Variants in HDAC9 observed in about 807,000 individuals in gnomAD.
The protein encoded by HDAC9 is histone deacetylase 9, also known as MEF-2 interacting transcription repressor (MITR) protein.
Under a neutral mutation model 139.4 loss-of-function variants are expected in HDAC9, and 41 were observed. The ratio of observed to expected loss-of-function variants is 0.29; its 90% CI spans 0.23 to 0.38. The LOEUF (loss-of-function observed/expected upper bound fraction) is 0.38, where lower values mean the gene tolerates loss of function less well. Among genes scored for constraint, HDAC9 ranks in the 10% least tolerant of loss-of-function variants. HDAC9 has a pLI of 1.00. For missense variants in HDAC9, 1,147 were observed against 1,297.0 expected (o/e 0.88, Z 1.78); for synonymous variants, 517 against 476.2 (o/e 1.09, Z -1.12).
chr7:18,925,004 A>G (rs2129299886), intron 22 of HDAC9, among the ~76,000 whole-genome samples: 1 of 152,294 alleles, frequency 6.6e-6, no homozygotes, highest in South Asian at 2.1e-4. Context: ...AAAAGGAATT[A>G]GTTTTTTGAA....
In HDAC9 at chr7:19,000,779, T is replaced by A. The variant is rs1786711973; in HGVS notation, c.*4717T>A. 1 of 152,192 alleles carries A rather than the reference T, an allele frequency of 6.6e-6. No homozygotes were observed. The highest frequency in any genetic ancestry group is 2.4e-5 in the African/African-American group (1 of 41,450). 9.4% of individuals were successfully genotyped at this position (152,192 alleles called of 1,614,324 possible). A position where few individuals can be genotyped will look rare whatever the true frequency, so the allele number is the denominator to read the frequency against. On this transcript the variant is annotated 3_prime_UTR_variant, in exon 26 of 26. Coordinates refer to ENST00000686413, the MANE Select transcript of HDAC9 (RefSeq NM_178425.4). Reference sequence around the variant, plus strand: ...ACTTACAATCTAACAAATAATTTTCTTTCAACTCTTCTCTTTTTCTGCCTA... The same window carrying A: ...ACTTACAATCTAACAAATAATTTTCATTCAACTCTTCTCTTTTTCTGCCTA...
chr7:18,227,000 GC>G (rs1203961276), intron 2 of HDAC9, among the ~76,000 whole-genome samples: 3 of 152,212 alleles, frequency 2.0e-5, no homozygotes, highest in Non-Finnish European at 2.9e-5. Context: ...TTAGTGGTAT[GC>G]AAGGAAAGGA....
At chr7:18,933,798 TA>T (rs1341800394) in intron 22 of HDAC9, among the ~76,000 whole-genome samples, 8 of 152,006 alleles carry the variant, frequency 5.3e-5, no homozygotes, top group Non-Finnish European at 1.2e-4. Context: ...AACAAGGAGT[TA>T]AGAAAGTATC....
At chr7:18,852,900 A>T (rs997973936) in intron 21 of HDAC9, among the ~76,000 whole-genome samples, 2 of 152,074 alleles carry the variant, frequency 1.3e-5, no homozygotes, top group South Asian at 2.1e-4. Context: ...GATTTTTAAA[A>T]ATATATATAA....
chr7:18,368,945 C>T (rs953585924), intron 1 of HDAC9, among the ~76,000 whole-genome samples: 5 of 152,042 alleles, frequency 3.3e-5, no homozygotes, highest in African/African-American at 4.8e-5. Flanking sequence ...GTAAATTAAA[C>T]TTGTATTCCA....
At chr7:18,612,068 A>C (rs977518737) in intron 6 of HDAC9, among the ~76,000 whole-genome samples, 2 of 152,128 alleles carry the variant, frequency 1.3e-5, no homozygotes, top group Non-Finnish European at 2.9e-5. Context: ...TAGTAGTGCC[A>C]AAATATGTTA....
chr7:18,704,221 A>T (rs1443568834), intron 12 of HDAC9, among the ~76,000 whole-genome samples: 1 of 152,230 alleles, frequency 6.6e-6, no homozygotes, highest in Non-Finnish European at 1.5e-5. Context: ...CCAAAAGAAG[A>T]AAGTATCGGA....
At chr7:18,610,731 T>A (rs1836884884) in intron 6 of HDAC9, among the ~76,000 whole-genome samples, 1 of 152,204 alleles carries the variant, frequency 6.6e-6, no homozygotes, top group Non-Finnish European at 1.5e-5. Flanking sequence ...TACCCTTTCT[T>A]CACAAGCCAT....
chr7:18,513,247 G>C (rs1709605058), intron 2 of HDAC9, among the ~76,000 whole-genome samples: 1 of 152,162 alleles, frequency 6.6e-6, no homozygotes, highest in South Asian at 2.1e-4. Context: ...AGATAGGGCA[G>C]GGACTTTAGT....
At chr7:18,094,235 G>T (rs2128061933) in intron 1 of HDAC9, among the ~76,000 whole-genome samples, 1 of 152,276 alleles carries the variant, frequency 6.6e-6, no homozygotes, top group South Asian at 2.1e-4. Context: ...TTGTGAGCCA[G>T]CCCCAGCTTG....
chr7:18,876,490 A>G (rs1479265782), intron 22 of HDAC9, among the ~76,000 whole-genome samples: 2 of 152,200 alleles, frequency 1.3e-5, no homozygotes, highest in African/African-American at 4.8e-5. Context: ...AATATATACA[A>G]TGAGAAGAGA....
intron 11 of HDAC9, among the ~76,000 whole-genome samples, chr7:18,662,048 G>A (rs948811186): frequency 6.6e-6 from 1 of 152,068 alleles, no homozygotes; most frequent in South Asian, 2.1e-4. Context: ...AAACTCAGGG[G>A]TTTGTTAATA....
At chr7:18,699,599 A>G (rs1584868517) in intron 12 of HDAC9, among the ~76,000 whole-genome samples, 1 of 152,128 alleles carries the variant, frequency 6.6e-6, no homozygotes, top group African/African-American at 2.4e-5. Flanking sequence ...AAATCTGAAC[A>G]TGTTTTCCCT....
At chr7:18,920,086 G>A (rs1292860527) in intron 22 of HDAC9, among the ~76,000 whole-genome samples, 1 of 152,122 alleles carries the variant, frequency 6.6e-6, no homozygotes, top group Non-Finnish European at 1.5e-5. Flanking sequence ...ATTACCTTGG[G>A]CAGTATGGCC....
chr7:18,903,034 A>T (rs781060171), intron 22 of HDAC9, among the ~76,000 whole-genome samples: 5 of 152,258 alleles, frequency 3.3e-5, no homozygotes, highest in African/African-American at 4.8e-5. Flanking sequence ...GTAGGGGAAT[A>T]TGAACAAATA....
At chr7:18,090,902 C>G (rs1027207862) in intron 1 of HDAC9, among the ~76,000 whole-genome samples, 1 of 151,796 alleles carries the variant, frequency 6.6e-6, no homozygotes, top group Non-Finnish European at 1.5e-5. Context: ...TTCATCTCAC[C>G]AAATCTCCTC....
chr7:18,921,555 A>G (rs533887494), intron 22 of HDAC9, among the ~76,000 whole-genome samples: 1,524 of 152,212 alleles, frequency 0.01, 29 homozygotes, highest in African/African-American at 0.035. Context: ...TTAGAATGGC[A>G]ATCATTAAAA....
intron 6 of HDAC9, among the ~76,000 whole-genome samples, chr7:18,598,372 T>C (rs1833033241): frequency 6.6e-6 from 1 of 152,206 alleles, no homozygotes; most frequent in South Asian, 2.1e-4. Flanking sequence ...TATTGAAATA[T>C]ACTTCTTTTA....
intron 12 of HDAC9, among the ~76,000 whole-genome samples, chr7:18,706,950 C>A (rs1228118213): frequency 1.3e-5 from 2 of 152,060 alleles, no homozygotes; most frequent in African/African-American, 4.8e-5. Flanking sequence ...AGAGAAGGCT[C>A]CCCAGACGAG....
Sources: gnomAD v4.1 joint callset for allele counts (sites outside exome capture counted in the v4.1 genomes callset) on GRCh38, gnomAD v4.1.1 for gene constraint, MANE v1.5 for transcripts, NCBI Gene and HGNC (gene_info 2026-07-23, HGNC 2026-07-21) for gene names.